Variants in EDIL3 observed in about 807,000 individuals in gnomAD.
The protein encoded by EDIL3 is EGF like and discoidin domains 3.
In EDIL3, 37 loss-of-function variants were observed where a neutral mutation model predicts 67.4. The ratio of observed to expected loss-of-function variants is 0.55; its 90% confidence interval spans 0.42 to 0.72. The LOEUF is 0.72. EDIL3 is among the 30% of genes least tolerant of loss of function. The probability of loss-of-function intolerance (pLI) is 0.00; values close to 1 mark genes in which losing one functional copy is unlikely to be tolerated. For synonymous variants in EDIL3, 195 were observed against 196.3 expected (o/e 0.99, Z 0.05); for missense variants, 527 against 586.3 (o/e 0.90, Z 1.04).
chr5:84,350,551 T>G (rs1207613712), intron 1 of EDIL3, among the ~76,000 whole-genome samples: 2 of 152,042 alleles, frequency 1.3e-5, no homozygotes, highest in Non-Finnish European at 2.9e-5. Context: ...TATTTGATGA[T>G]CCACAGAGAT....
At position 84,168,632 on chromosome 5, in the gene EDIL3, A is replaced by G. The variant is rs537003036; in HGVS notation, c.355+11761T>C. Among the ~76,000 whole-genome samples, 3 of 152,304 alleles carry G rather than the reference A, an allele frequency of 2.0e-5. No individual in the cohort carries two copies. The East Asian group carries it at 5.8e-4, about 29-fold the overall frequency. On this transcript the variant is annotated intron_variant, in intron 4 of 10. Transcript: ENST00000296591. ...AATAATTATAATGCTACTGAAATTA[A>G]CAAAAATATCCCATAAATATTTATG...
intron 1 of EDIL3, among the ~76,000 whole-genome samples, chr5:84,368,402 T>C (rs1174607848): frequency 6.6e-6 from 1 of 152,140 alleles, no homozygotes; most frequent in African/African-American, 2.4e-5. Flanking sequence ...CTTCAACAAA[T>C]GTTGCTGGTA....
chr5:84,194,766 G>A (rs1205315602), intron 3 of EDIL3, among the ~76,000 whole-genome samples: 1 of 151,766 alleles, frequency 6.6e-6, no homozygotes, highest in African/African-American at 2.4e-5. Context: ...ATATAGATGG[G>A]CAACTTCACT....
rs115856063 is a variant in EDIL3 at position 84,167,313 on chromosome 5, T to C, written c.355+13080A>G. Among the ~76,000 whole-genome samples the C allele has an allele frequency of 6.8e-3, 1,040 of 152,158 alleles. 16 individuals are homozygous for C. Among genetic ancestry groups the C allele is most frequent in the African/African-American group, 0.02 (814 of 41,524 alleles). On this transcript the variant is annotated intron_variant, in intron 4 of 10. Transcript: ENST00000296591. ...TTCTAAGGAGTTTGATTGGAAAGTG[T>C]AGAACCAGAACAATAGCGTTCATGA...
At chr5:84,009,973 A>G (rs1048600116) in intron 9 of EDIL3, among the ~76,000 whole-genome samples, 3 of 152,222 alleles carry the variant, frequency 2.0e-5, no homozygotes, top group Admixed American at 1.3e-4. Context: ...GACTCGATAG[A>G]GCAGGTGTAA....
chr5:84,342,403 G>A (rs1747134363), intron 1 of EDIL3, among the ~76,000 whole-genome samples: 1 of 151,928 alleles, frequency 6.6e-6, no homozygotes, highest in Non-Finnish European at 1.5e-5. Context: ...GACAGACAAT[G>A]GAGACTCAGA....
intron 6 of EDIL3, among the ~76,000 whole-genome samples, chr5:84,087,047 T>C (rs911354975): frequency 2.0e-5 from 3 of 152,156 alleles, no homozygotes; most frequent in Non-Finnish European, 2.9e-5. Context: ...TCATCAACAA[T>C]AGTTGGCCAC....
intron 9 of EDIL3, among the ~76,000 whole-genome samples, chr5:83,970,802 AATC>A (rs1004438207): frequency 1.7e-4 from 26 of 151,214 alleles, no homozygotes; most frequent in Admixed American, 9.9e-4. Context: ...TAATAGTATT[AATC>A]ATCATCATCC....
At chr5:83,981,073 A>G (rs928065841) in intron 9 of EDIL3, among the ~76,000 whole-genome samples, 4 of 152,044 alleles carry the variant, frequency 2.6e-5, no homozygotes, top group African/African-American at 9.7e-5. Flanking sequence ...CTCCAAATTG[A>G]TCTACAGGTT....
chr5:84,292,385 G>A (rs577300335), intron 1 of EDIL3, among the ~76,000 whole-genome samples: 1 of 152,062 alleles, frequency 6.6e-6, no homozygotes, highest in South Asian at 2.1e-4. Context: ...CCCATCTCAT[G>A]CTGAATAAGA....
intron 1 of EDIL3, among the ~76,000 whole-genome samples, chr5:84,378,862 G>T (rs1032535702): frequency 6.6e-6 from 1 of 152,136 alleles, no homozygotes; most frequent in Non-Finnish European, 1.5e-5. Flanking sequence ...GGTAGGCAGA[G>T]GTTTGACATT....
At position 84,158,393 on chromosome 5, in the gene EDIL3, C is replaced by T. The variant is rs76707692; in HGVS notation, c.356-21039G>A. Among the ~76,000 whole-genome samples, 352 of 152,132 alleles carry T rather than the reference C, an allele frequency of 2.3e-3. 1 individual carries two copies. The highest frequency in any genetic ancestry group is 8.1e-3 in the African/African-American group (338 of 41,544). On this transcript the variant is annotated intron_variant, in intron 4 of 10. Coordinates refer to ENST00000296591, the MANE Select transcript of EDIL3 (RefSeq NM_005711.5). ...ATCCAATTCCCACTAGCAATACACA[C>T]ACAAATTCAGCTGCATTCCTACATA...
intron 1 of EDIL3, among the ~76,000 whole-genome samples, chr5:84,354,524 G>T (rs1433935730): frequency 1.3e-5 from 2 of 151,852 alleles, no homozygotes; most frequent in East Asian, 1.9e-4. Context: ...GGGTATGGTG[G>T]TGCATGCCTG....
At chr5:84,110,688 A>G (rs1247443837) in intron 5 of EDIL3, among the ~76,000 whole-genome samples, 1 of 152,232 alleles carries the variant, frequency 6.6e-6, no homozygotes, top group Non-Finnish European at 1.5e-5. Flanking sequence ...TTAAGCTTGT[A>G]AAAGATGACT....
At chr5:84,040,491 T>G in intron 9 of EDIL3, among the ~76,000 whole-genome samples, 1 of 148,644 alleles carries the variant, frequency 6.7e-6, no homozygotes, top group Non-Finnish European at 1.5e-5. Flanking sequence ...ATTATATATA[T>G]AAAGGGTATA....
At chr5:84,348,579 A>C (rs1488882686) in intron 1 of EDIL3, among the ~76,000 whole-genome samples, 1 of 137,778 alleles carries the variant, frequency 7.3e-6, no homozygotes, top group South Asian at 2.5e-4. Flanking sequence ...TTTGTCTTCT[A>C]TGTTCCTCTG....
chr5:84,010,975 A>G (rs1311791393), intron 9 of EDIL3, among the ~76,000 whole-genome samples: 1 of 152,200 alleles, frequency 6.6e-6, no homozygotes, highest in South Asian at 2.1e-4. Context: ...CAGGGATTGT[A>G]TGTAAAATGG....
At chr5:84,066,852 C>T (rs940505141) in intron 6 of EDIL3, among the ~76,000 whole-genome samples, 1 of 152,070 alleles carries the variant, frequency 6.6e-6, no homozygotes, top group African/African-American at 2.4e-5. Flanking sequence ...GGCAATGTGC[C>T]CCAAAAACAT....
At chr5:84,006,012 T>C (rs1745408349) in intron 9 of EDIL3, among the ~76,000 whole-genome samples, 1 of 151,646 alleles carries the variant, frequency 6.6e-6, no homozygotes, top group South Asian at 2.1e-4. Flanking sequence ...ATCAGTAGCA[T>C]TTCTACACAC....
Sources: gnomAD v4.1 joint callset for allele counts (sites outside exome capture counted in the v4.1 genomes callset) on GRCh38, gnomAD v4.1.1 for gene constraint, MANE v1.5 for transcripts, NCBI Gene and HGNC (gene_info 2026-07-23, HGNC 2026-07-21) for gene names.